Variants in CSMD2 observed in about 807,000 individuals in gnomAD.
CSMD2 encodes the protein CUB and Sushi multiple domains 2.
Under a neutral mutation model 398.5 loss-of-function variants are expected in CSMD2, and 130 were observed. That is an observed-to-expected ratio of 0.33 (90% CI 0.28 to 0.38). The LOEUF is 0.38. CSMD2 is among the 10% of genes least tolerant of loss of function. The probability of loss-of-function intolerance (pLI) is 1.00; values close to 1 mark genes in which losing one functional copy is unlikely to be tolerated. For missense variants in CSMD2, 3,829 were observed against 4,764.9 expected, an observed-to-expected ratio of 0.80 and a Z score of 5.78; for synonymous variants, 1,828 against 1,908.5, an observed-to-expected ratio of 0.96 and a Z score of 1.10.
chr1:34,007,732 C>A (rs2148055860), intron 3 of CSMD2, among the ~76,000 whole-genome samples: 1 of 152,118 alleles, frequency 6.6e-6, no homozygotes, highest in Non-Finnish European at 1.5e-5. Context: ...ATAATTATAG[C>A]AATATAAATA....
At chr1:33,608,115 G>A (rs1160216212) in intron 41 of CSMD2, among the ~76,000 whole-genome samples, 1 of 152,030 alleles carries the variant, frequency 6.6e-6, no homozygotes, top group African/African-American at 2.4e-5. Flanking sequence ...CATAGTGGGA[G>A]CATTTCCAAA....
chr1:33,565,769 G>A (rs1213328457), intron 53 of CSMD2, among the ~76,000 whole-genome samples: 1 of 152,066 alleles, frequency 6.6e-6, no homozygotes, highest in Non-Finnish European at 1.5e-5. Context: ...TAAGCATCTG[G>A]AGATATTTTA....
intron 59 of CSMD2, 75 bp from the exon 60 acceptor site, chr1:33,540,773 A>C: frequency 3.1e-5 from 48 of 1,535,996 alleles, no homozygotes; most frequent in Middle Eastern, 1.8e-4. Flanking sequence ...CATTGATATC[A>C]CCGACTACCC....
intron 55 of CSMD2, 81 bp downstream of exon 55, chr1:33,557,653 C>T (rs2641963): frequency 0.51 from 591,313 of 1,154,804 alleles, 160,812 homozygotes; most frequent in Admixed American, 0.68. Flanking sequence ...CACACACACA[C>T]ACACACATGC....
intron 29 of CSMD2, among the ~76,000 whole-genome samples, chr1:33,641,053 A>G (rs1643081227): frequency 6.6e-6 from 1 of 151,968 alleles, no homozygotes; most frequent in East Asian, 1.9e-4. Context: ...CCTGGCCCCC[A>G]CTCTGGCACA....
chr1:33,966,585 C>T (rs957599092), intron 3 of CSMD2, among the ~76,000 whole-genome samples: 3 of 152,078 alleles, frequency 2.0e-5, no homozygotes, highest in African/African-American at 7.2e-5. Context: ...GCCAACTGCC[C>T]AGGGTGGTGA....
intron 3 of CSMD2, among the ~76,000 whole-genome samples, chr1:34,023,037 T>C (rs1649129455): frequency 6.6e-6 from 1 of 152,176 alleles, no homozygotes; most frequent in African/African-American, 2.4e-5. Flanking sequence ...AGTTTTGCTA[T>C]GTTACCCAGG....
chr1:33,993,872 T>A (rs1275025721), intron 3 of CSMD2, among the ~76,000 whole-genome samples: 1 of 152,156 alleles, frequency 6.6e-6, no homozygotes, highest in Non-Finnish European at 1.5e-5. Flanking sequence ...CCGCACCTTA[T>A]CTCCATATCC....
chr1:34,016,041 G>GTGTGTGTA (rs914074166), intron 3 of CSMD2, among the ~76,000 whole-genome samples: 7 of 146,022 alleles, frequency 4.8e-5, no homozygotes, highest in Admixed American at 4.8e-4. Flanking sequence ...GTGTGTGTGT[G>GTGTGTGTA]TGTATGTGTG....
intron 5 of CSMD2, chr1:33,875,400 G>T (rs1033415759): frequency 6.6e-6 from 1 of 152,166 alleles, no homozygotes; most frequent in African/African-American, 2.4e-5. Flanking sequence ...CATGTTTTGG[G>T]CGTTTACTAT....
At chr1:33,582,999 C>T (rs918023473) in intron 47 of CSMD2, among the ~76,000 whole-genome samples, 1 of 152,216 alleles carries the variant, frequency 6.6e-6, no homozygotes, top group African/African-American at 2.4e-5. Flanking sequence ...GTTACTTCTC[C>T]TGCTCTCTGT....
chr1:34,120,691 C>T (rs1484209100), intron 1 of CSMD2, among the ~76,000 whole-genome samples: 1 of 152,090 alleles, frequency 6.6e-6, no homozygotes, highest in African/African-American at 2.4e-5. Context: ...ATTACAGGTG[C>T]CTGCCACCAT....
At chr1:33,908,682 G>A (rs1643272866) in intron 5 of CSMD2, among the ~76,000 whole-genome samples, 3 of 152,238 alleles carry the variant, frequency 2.0e-5, no homozygotes, top group Admixed American at 2.0e-4. Context: ...CTTTTTGAGA[G>A]CAAGTTCTCA....
At chr1:34,132,040 T>C (rs1415933391) in intron 1 of CSMD2, among the ~76,000 whole-genome samples, 1 of 151,868 alleles carries the variant, frequency 6.6e-6, no homozygotes, top group Non-Finnish European at 1.5e-5. Context: ...TTATAGACAA[T>C]TCCTAAAAAC....
rs568031606 is a variant in CSMD2 at position 33,812,380 on chromosome 1, T to C, written c.1325-1516A>G. Among the ~76,000 whole-genome samples, 8 of 152,374 alleles carry C rather than the reference T, an allele frequency of 5.3e-5. 2 individuals carry two copies. Among genetic ancestry groups the C allele is most frequent in the African/African-American group, 1.9e-4 (8 of 41,590 alleles). On this transcript the variant is annotated intron_variant, in intron 9 of 70. Transcript: ENST00000373381. ...ATTTCTTCTCACTGTAGTCCTGCACTGGAAGGATCTCCTCCTCCCTCATCC... is the reference window on the plus strand; with the variant it reads ...ATTTCTTCTCACTGTAGTCCTGCACCGGAAGGATCTCCTCCTCCCTCATCC...
chr1:33,549,617 T>A (rs537949148), intron 56 of CSMD2, among the ~76,000 whole-genome samples: 6 of 152,156 alleles, frequency 3.9e-5, no homozygotes, highest in African/African-American at 1.4e-4. Context: ...ACAGGAAAAG[T>A]CTGGGGACTG....
At chr1:33,925,754 C>T (rs1017729569) in intron 4 of CSMD2, among the ~76,000 whole-genome samples, 13 of 152,068 alleles carry the variant, frequency 8.5e-5, no homozygotes, top group African/African-American at 2.9e-4. Flanking sequence ...GTGGAATACC[C>T]GATGACTCAC....
Position 33,527,272 on chromosome 1 carries a change from A to G in CSMD2, c.10172-14T>C, listed in dbSNP as rs762288960. On this transcript the variant is annotated splice_polypyrimidine_tract_variant and intron_variant, in intron 64 of 70. Coordinates refer to ENST00000373381, the MANE Select transcript of CSMD2 (RefSeq NM_001281956.2). The stretch of plus-strand genomic sequence containing the variant: ...TGGGCCGGACCTCTGCTGGGGAAAA[A>G]GAGTGGAAGAAAACAGGTTCAGCTT... The G allele has an allele frequency of 1.0e-5, 16 of 1,607,422 alleles. No homozygotes were observed. Among genetic ancestry groups the G allele is most frequent in the Middle Eastern group, 1.7e-4 (1 of 6,030 alleles).
chr1:33,831,899 T>C (rs938698103), intron 6 of CSMD2, among the ~76,000 whole-genome samples: 1 of 151,798 alleles, frequency 6.6e-6, no homozygotes, highest in African/African-American at 2.4e-5. Context: ...CCAATAAAGA[T>C]CAAAAGAGAC....
Sources: allele counts gnomAD v4.1 joint callset (sites outside exome capture counted in the v4.1 genomes callset), GRCh38; gene constraint gnomAD v4.1.1; transcripts MANE v1.5; gene names NCBI Gene and HGNC (gene_info 2026-07-23, HGNC 2026-07-21).